The following STAG1 variants were observed in gnomAD, a reference collection of about 807,000 sequenced individuals.
STAG1 encodes the protein STAG1 cohesin complex component, also known as cohesin subunit SA-1.
A neutral mutation model predicts 170.9 loss-of-function variants in STAG1; 26 were observed. The observed-to-expected ratio is 0.15, with a 90% CI of 0.11 to 0.21. The LOEUF (loss-of-function observed/expected upper bound fraction) is 0.21. Ranked by LOEUF, STAG1 falls within the 10% of genes least tolerant of loss-of-function variation. STAG1 has a pLI of 1.00. For synonymous variants in STAG1, 514 were observed against 497.7 expected, an observed-to-expected ratio of 1.03 and a Z score of -0.44; for missense variants, 964 against 1,509.5, an observed-to-expected ratio of 0.64 and a Z score of 5.99.
At chr3:136,633,723 G>C (rs1433834036) in intron 1 of STAG1, among the ~76,000 whole-genome samples, 1 of 103,360 alleles carries the variant, frequency 9.7e-6, no homozygotes, top group Non-Finnish European at 2.0e-5. Flanking sequence ...GGGGGGGGGG[G>C]GTCAGGGGCA....
rs527880768 is a variant in STAG1 at position 136,693,579 on chromosome 3, G to A, written c.-84+58616C>T. Among the ~76,000 whole-genome samples, 264 of 152,196 alleles carry A rather than the reference G, an allele frequency of 1.7e-3. No homozygotes were observed. The South Asian group carries it at 0.026, about 15-fold the overall frequency. ...CTTTTGTGAACTACAGTTGTGCCAC[G>A]TAGAGCCCTAATTGTTTTCTGTGGG... is the stretch of plus-strand genomic sequence containing the variant. On this transcript the variant is annotated intron_variant, in intron 1 of 33. Coordinates refer to ENST00000383202, the MANE Select transcript of STAG1 (RefSeq NM_005862.3).
intron 2 of STAG1, among the ~76,000 whole-genome samples, chr3:136,626,311 A>T (rs1439578245): frequency 6.6e-6 from 1 of 151,686 alleles, no homozygotes; most frequent in Non-Finnish European, 1.5e-5. Context: ...CTATAGTCCC[A>T]GCTACTTGGG....
chr3:136,661,657 C>T (rs1941583925), intron 1 of STAG1, among the ~76,000 whole-genome samples: 1 of 152,118 alleles, frequency 6.6e-6, no homozygotes, highest in African/African-American at 2.4e-5. Context: ...ACTTCTGGTC[C>T]CCAAGCATTT....
intron 7 of STAG1, among the ~76,000 whole-genome samples, chr3:136,512,167 G>A (rs1415566492): frequency 6.6e-6 from 1 of 150,710 alleles, no homozygotes; most frequent in African/African-American, 2.4e-5. Context: ...AATTAGCCAG[G>A]TGTGATGGCA....
intron 12 of STAG1, among the ~76,000 whole-genome samples, chr3:136,470,519 C>G (rs554054888): frequency 6.6e-6 from 1 of 152,266 alleles, no homozygotes; most frequent in African/African-American, 2.4e-5. Context: ...GAAATAGGAA[C>G]ACTTTTACAC....
intron 10 of STAG1, 151 bp downstream of exon 10, chr3:136,477,138 A>G: frequency 1.3e-6 from 1 of 797,498 alleles, no homozygotes; most frequent in Non-Finnish European, 1.8e-6. Flanking sequence ...TTTCATCACA[A>G]TCATCAAGTA....
intron 15 of STAG1, among the ~76,000 whole-genome samples, chr3:136,439,209 A>T (rs1026193704): frequency 3.2e-4 from 8 of 25,216 alleles, no homozygotes; most frequent in African/African-American, 1.3e-3. Context: ...AAAAAAAAAA[A>T]AAAACCCATA....
At chr3:136,614,342 T>C (rs560863959) in intron 3 of STAG1, among the ~76,000 whole-genome samples, 2 of 152,312 alleles carry the variant, frequency 1.3e-5, no homozygotes, top group African/African-American at 2.4e-5. Flanking sequence ...TAAACAACAG[T>C]ACAAATGAAA....
intron 28 of STAG1, among the ~76,000 whole-genome samples, chr3:136,353,825 T>C (rs1200615580): frequency 6.6e-6 from 1 of 152,232 alleles, no homozygotes; most frequent in Non-Finnish European, 1.5e-5. Flanking sequence ...AATTTGTAGG[T>C]AGTTACAAAA....
chr3:136,686,807 CA>C (rs1942546678), intron 1 of STAG1, among the ~76,000 whole-genome samples: 1 of 152,122 alleles, frequency 6.6e-6, no homozygotes, highest in African/African-American at 2.4e-5. Context: ...GTAGAGGCAG[CA>C]AATGCATAAA....
intron 1 of STAG1, among the ~76,000 whole-genome samples, chr3:136,656,367 A>G (rs1941370144): frequency 6.6e-6 from 1 of 152,188 alleles, no homozygotes; most frequent in African/African-American, 2.4e-5. Context: ...GATGGCTGCA[A>G]AACAATATGG....
At chr3:136,666,518 T>G (rs1392406914) in intron 1 of STAG1, among the ~76,000 whole-genome samples, 1 of 152,138 alleles carries the variant, frequency 6.6e-6, no homozygotes, top group Non-Finnish European at 1.5e-5. Context: ...GATCACATGA[T>G]GAATAACTGT....
At chr3:136,424,520 A>G (rs1012484033) in intron 16 of STAG1, among the ~76,000 whole-genome samples, 3 of 151,932 alleles carry the variant, frequency 2.0e-5, no homozygotes, top group Non-Finnish European at 4.4e-5. Flanking sequence ...TTTTTGGTAG[A>G]GACGGGTTTT....
rs139659411 is a variant in STAG1, at chr3:136,477,439, C to T, written c.903-27G>A. 7.2e-4 allele frequency: 1,131 copies of T among 1,579,044 alleles called. 9 individuals carry two copies. The African/African-American group carries it at 0.013, about 18-fold the overall frequency. ...TAGAGAGAGAAAAAAAAGACAATCT[C>T]AAATTAATATACAAAGCTAGAATGC... is the stretch of plus-strand genomic sequence containing the variant. On this transcript the variant is annotated intron_variant, in intron 9 of 33. Transcript: ENST00000383202.
intron 9 of STAG1, 70 bp downstream of exon 9, chr3:136,500,153 C>A: frequency 3.0e-6 from 3 of 1,014,284 alleles, no homozygotes; most frequent in South Asian, 1.4e-5. Flanking sequence ...TTACAGTTAG[C>A]CTGGGCCACA....
intron 5 of STAG1, among the ~76,000 whole-genome samples, chr3:136,551,713 T>G (rs2107739384): frequency 6.6e-6 from 1 of 151,788 alleles, no homozygotes; most frequent in African/African-American, 2.4e-5. Flanking sequence ...CTTGGCCACC[T>G]CCCACCCAGC....
At chr3:136,413,205 C>T (rs1477680965) in intron 21 of STAG1, among the ~76,000 whole-genome samples, 1 of 147,930 alleles carries the variant, frequency 6.8e-6, no homozygotes, top group Non-Finnish European at 1.5e-5. Flanking sequence ...GTGTAACACA[C>T]ACATTATATA....
chr3:136,372,782 T>TC lies in STAG1; in HGVS notation c.2371-3501dup, dbSNP rs1333322466. Among the ~76,000 whole-genome samples the TC allele has an allele frequency of 9.2e-5, 14 of 152,244 alleles. 1 individual carries two copies. The highest frequency in any genetic ancestry group is 3.4e-4 in the African/African-American group (14 of 41,468). On this transcript the variant is annotated intron_variant, in intron 23 of 33. Coordinates refer to ENST00000383202, the MANE Select transcript of STAG1 (RefSeq NM_005862.3). Reference sequence around the variant, plus strand: ...TTATTGAGCATTTTTGCATCAATGTTCATCAGGGATATTGGTCTAAAATTC... The same window carrying TC: ...TTATTGAGCATTTTTGCATCAATGTTCCATCAGGGATATTGGTCTAAAATTC...
chr3:136,623,898 C>A (rs1286642910), intron 2 of STAG1, among the ~76,000 whole-genome samples: 3 of 151,790 alleles, frequency 2.0e-5, no homozygotes, highest in Non-Finnish European at 4.4e-5. Flanking sequence ...TGCAGTGAGC[C>A]GAGATTACGC....
Sources: gnomAD v4.1 joint callset for allele counts (sites outside exome capture counted in the v4.1 genomes callset) on GRCh38, gnomAD v4.1.1 for gene constraint, MANE v1.5 for transcripts, NCBI Gene and HGNC (gene_info 2026-07-23, HGNC 2026-07-21) for gene names.